The following BLOC1S5 variants were observed in gnomAD, a reference collection of about 807,000 sequenced individuals.
The protein encoded by BLOC1S5 is biogenesis of lysosome-related organelles complex 1 subunit 5.
In BLOC1S5, 27 loss-of-function variants were observed where a neutral mutation model predicts 24.3. The observed-to-expected ratio is 1.11, with a 90% confidence interval of 0.82 to 1.53. The LOEUF is 1.53. BLOC1S5 is among the 40% of genes most tolerant of loss of function. The pLI is 0.00. For synonymous variants in BLOC1S5, 84 were observed against 74.5 expected, an observed-to-expected ratio of 1.13 and a Z score of -0.66; for missense variants, 239 against 229.4, an observed-to-expected ratio of 1.04 and a Z score of -0.27.
chr6:8,015,870 C>A, intron 4 of BLOC1S5, 42 bp from the exon 5 acceptor site: 1 of 1,533,514 alleles, frequency 6.5e-7, no homozygotes. Context: ...ATTTTCCAGA[C>A]AATTATTTCA....
chr6:8,022,579 C>CTTTTTTTTTTTCTTTT (rs1762954420), intron 4 of BLOC1S5, among the ~76,000 whole-genome samples: 1 of 74,296 alleles, frequency 1.3e-5, no homozygotes, highest in African/African-American at 7.2e-5. Flanking sequence ...TTTTTTTTTT[C>CTTTTTTTTTTTCTTTT]TTTTTTTTTT....
chr6:8,026,462 C>A (rs1763109052), intron 3 of BLOC1S5, 37 bp from the exon 4 acceptor site: 1 of 1,566,264 alleles, frequency 6.4e-7, no homozygotes, highest in Admixed American at 1.7e-5. Context: ...AGTCAGCAGA[C>A]CATGTTCAAG....
chr6:8,051,734 T>C (rs1031144308), intron 2 of BLOC1S5, among the ~76,000 whole-genome samples: 1 of 152,152 alleles, frequency 6.6e-6, no homozygotes, highest in African/African-American at 2.4e-5. Context: ...CCTAGGGTCA[T>C]AAAGAATTAT....
intron 4 of BLOC1S5, among the ~76,000 whole-genome samples, chr6:8,016,716 A>C (rs1305273449): frequency 1.3e-5 from 2 of 151,726 alleles, no homozygotes; most frequent in Non-Finnish European, 2.9e-5. Flanking sequence ...AAAATATAAA[A>C]ATTAGCCGGT....
chr6:8,064,184 T>G, intron 1 of BLOC1S5, 81 bp downstream of exon 1: 1 of 1,208,034 alleles, frequency 8.3e-7, no homozygotes, highest in Non-Finnish European at 1.1e-6. Flanking sequence ...GACCCGGGGG[T>G]CGGCCCGGGT....
chr6:8,057,466 G>A lies in BLOC1S5; in HGVS notation c.195+5068C>T, dbSNP rs1372198117. On this transcript the variant is annotated intron_variant, in intron 2 of 4. Transcript: ENST00000397457. ...ATGAAAATTCTCAGAGCAAAGCTCAGCACTCATAAAGCTTGGTTTCTGATG... is the reference window on the plus strand; with the variant it reads ...ATGAAAATTCTCAGAGCAAAGCTCAACACTCATAAAGCTTGGTTTCTGATG... Among the ~76,000 whole-genome samples, 3 of 152,204 alleles carry A rather than the reference G, an allele frequency of 2.0e-5. No individual in the cohort carries two copies. The East Asian group carries it at 5.8e-4, about 29-fold the overall frequency.
chr6:8,055,213 C>T (rs926295015), intron 2 of BLOC1S5, among the ~76,000 whole-genome samples: 1 of 152,196 alleles, frequency 6.6e-6, no homozygotes, highest in African/African-American at 2.4e-5. Context: ...GGGTGGATCA[C>T]CTGAGGTCAT....
chr6:8,052,909 AG>A (rs1036996516), intron 2 of BLOC1S5, among the ~76,000 whole-genome samples: 8 of 139,582 alleles, frequency 5.7e-5, no homozygotes, highest in African/African-American at 6.7e-5. Flanking sequence ...AAAAAAAAAA[AG>A]AAGTGGAGCC....
intron 4 of BLOC1S5, 145 bp from the exon 5 acceptor site, chr6:8,015,973 A>G: frequency 3.0e-6 from 2 of 675,162 alleles, no homozygotes; most frequent in East Asian, 2.8e-5. Context: ...AAGATGACAC[A>G]TTAGAAACAT....
intron 2 of BLOC1S5, among the ~76,000 whole-genome samples, chr6:8,059,679 G>A (rs1255040166): frequency 1.3e-5 from 2 of 152,216 alleles, no homozygotes; most frequent in Non-Finnish European, 2.9e-5. Flanking sequence ...AATTTGAGAT[G>A]AGAGTTATAA....
At chr6:8,028,153 A>G (rs1174245219) in intron 3 of BLOC1S5, among the ~76,000 whole-genome samples, 3 of 152,134 alleles carry the variant, frequency 2.0e-5, no homozygotes, top group African/African-American at 7.2e-5. Flanking sequence ...GGCCCCAACT[A>G]GGTCACAAGT....
intron 2 of BLOC1S5, among the ~76,000 whole-genome samples, chr6:8,059,834 AC>A (rs772882520): frequency 3.3e-5 from 5 of 152,226 alleles, no homozygotes; most frequent in Non-Finnish European, 7.3e-5. Flanking sequence ...AGCAACTCAA[AC>A]TTAGCTGATA....
chr6:8,022,588 T>C (rs9502674), intron 4 of BLOC1S5, among the ~76,000 whole-genome samples: 5,566 of 126,736 alleles, frequency 0.044, 835 homozygotes, highest in African/African-American at 0.17. Context: ...TCTTTTTTTT[T>C]TTTCTTTTTT....
chr6:8,025,846 C>T (rs1763083586), intron 4 of BLOC1S5, among the ~76,000 whole-genome samples: 2 of 152,092 alleles, frequency 1.3e-5, no homozygotes, highest in South Asian at 4.1e-4. Flanking sequence ...AAGTGAATAC[C>T]ACCAAATTAT....
At chr6:8,043,048 G>T (rs900895916) in intron 2 of BLOC1S5, among the ~76,000 whole-genome samples, 3 of 152,112 alleles carry the variant, frequency 2.0e-5, no homozygotes, top group Admixed American at 6.5e-5. Flanking sequence ...ACACTGCTTT[G>T]TATTCTTTTG....
chr6:8,020,087 C>T (rs1026995327), intron 4 of BLOC1S5, among the ~76,000 whole-genome samples: 3 of 152,148 alleles, frequency 2.0e-5, no homozygotes, highest in African/African-American at 7.2e-5. Context: ...CTCAGTAACG[C>T]CTGATTCCTA....
chr6:8,043,666 G>A (rs998771668), intron 2 of BLOC1S5, among the ~76,000 whole-genome samples: 1 of 152,220 alleles, frequency 6.6e-6, no homozygotes, highest in Non-Finnish European at 1.5e-5. Flanking sequence ...TTCAAATAAA[G>A]TCTGGTGTTT....
intron 2 of BLOC1S5, among the ~76,000 whole-genome samples, chr6:8,042,634 A>ATT (rs145983811): frequency 8.6e-5 from 13 of 151,776 alleles, no homozygotes; most frequent in African/African-American, 1.7e-4. Context: ...TTTTTTTGTG[A>ATT]TTTTTTTTCT....
chr6:8,047,211 A>ATT (rs113086214), intron 2 of BLOC1S5, among the ~76,000 whole-genome samples: 18 of 126,362 alleles, frequency 1.4e-4, no homozygotes, highest in African/African-American at 3.8e-4. Flanking sequence ...GTCAACAGTA[A>ATT]TTTTTTTTTT....
Sources: allele counts gnomAD v4.1 joint callset (sites outside exome capture counted in the v4.1 genomes callset), GRCh38; gene constraint gnomAD v4.1.1; transcripts MANE v1.5; gene names NCBI Gene and HGNC (gene_info 2026-07-23, HGNC 2026-07-21).